BRD4: variants seen among roughly 807,000 people sequenced by gnomAD.
The protein encoded by BRD4 is bromodomain containing 4, also known as bromodomain-containing protein 4.
In BRD4, 16 loss-of-function variants were observed where a neutral mutation model predicts 142.1. That is an observed-to-expected ratio of 0.11 (90% CI 0.08 to 0.17). The LOEUF is 0.17. Among genes scored for constraint, BRD4 ranks in the 10% least tolerant of loss-of-function variants. The pLI, the probability that BRD4 is intolerant of heterozygous loss-of-function variation, is 1.00. For missense variants in BRD4, 1,424 were observed against 1,810.9 expected, an observed-to-expected ratio of 0.79 and a Z score of 3.88; for synonymous variants, 833 against 707.5, an observed-to-expected ratio of 1.18 and a Z score of -2.82.
intron 1 of BRD4, chr19:15,280,428 T>A (rs970443233): frequency 2.0e-6 from 2 of 1,014,378 alleles, no homozygotes; most frequent in Non-Finnish European, 2.4e-6. Context: ...AAGTCAGACT[T>A]CTAGCAGTAG....
chr19:15,284,844 T>C (rs1006634201), intron 1 of BRD4, among the ~76,000 whole-genome samples: 2 of 152,214 alleles, frequency 1.3e-5, no homozygotes, highest in Admixed American at 6.5e-5. Flanking sequence ...TTGGCAGGCA[T>C]AATCACTTTG....
intron 14 of BRD4, among the ~76,000 whole-genome samples, chr19:15,241,800 CCTGA>C (rs1366838187): frequency 3.3e-5 from 5 of 150,704 alleles, no homozygotes; most frequent in South Asian, 2.1e-4. Context: ...CCACTTGGCA[CCTGA>C]CTTTTTTTTT....
At position 15,273,132 on chromosome 19, in the gene BRD4, C is replaced by T. The variant is rs963589430; in HGVS notation, c.-33G>A. ...ATCCCATCACATTCTTCACCAGGCA[C>T]TCTACAAAGGAAGAGAAGAGCCCCC... On this transcript the variant is annotated splice_region_variant and 5_prime_UTR_variant, in exon 2 of 20. It adds an upstream start codon to the 5' untranslated region. Transcript: ENST00000679869. The T allele has an allele frequency of 6.4e-7, 1 of 1,553,506 alleles. No individual in the cohort carries two copies. The highest frequency in any genetic ancestry group is 1.4e-5 in the African/African-American group (1 of 73,368).
intron 1 of BRD4, among the ~76,000 whole-genome samples, chr19:15,307,812 A>AG (rs2047927318): frequency 6.6e-6 from 1 of 152,028 alleles, no homozygotes; most frequent in Non-Finnish European, 1.5e-5. Context: ...TTGCCTAAGA[A>AG]GGGGTGAACC....
chr19:15,267,663 C>A lies in BRD4; in HGVS notation c.424-112G>T. The A allele has an allele frequency of 3.1e-6, 4 of 1,277,608 alleles. No individual in the cohort carries two copies. In the South Asian group the frequency reaches 5.7e-5, roughly 18 times the overall value. The allele number at this position is 1,277,608 out of a possible 1,614,324, so 79.1% of individuals were successfully genotyped here. ...CCCCCAAAACATGAAGCGTCGTATT[C>A]CGGGTCCTTCCCCGATCTGCACCCA... On this transcript the variant is annotated intron_variant, in intron 3 of 19. Transcript: ENST00000679869.
At chr19:15,315,648 A>C (rs1226937749) in intron 1 of BRD4, among the ~76,000 whole-genome samples, 1 of 152,196 alleles carries the variant, frequency 6.6e-6, no homozygotes, top group African/African-American at 2.4e-5. Flanking sequence ...TGAGATCAGA[A>C]GTTAAAGACC....
Position 15,239,996 on chromosome 19 carries a change from G to A in BRD4, c.3196C>T (p.Leu1066Phe). Reference protein sequence around the residue: ...TGHLREAPSPLMIHSPQMSQF... With the variant: ...TGHLREAPSPFMIHSPQMSQF... ...GACATCTGGGGGGAATGTATCATAA[G>A]CGGGGAGGGGGCTTCGCGGAGGTGA... Residue 1066 changes from leucine (L) to phenylalanine (F), a missense_variant, in exon 15 of 20, where the codon CTT (leucine) becomes TTT (phenylalanine). Physicochemically the swap from Leu to Phe is conservative, Grantham distance 22. Transcript: ENST00000679869. The surrounding 1 kb of genome is among the most constrained non-coding windows in gnomAD (Gnocchi z 7.4). The A allele has an allele frequency of 6.2e-7, 1 of 1,613,302 alleles. No homozygotes were observed. The highest frequency in any genetic ancestry group is 8.5e-7 in the Non-Finnish European group (1 of 1,179,826).
chr19:15,247,879 G>A (rs546535375), intron 11 of BRD4: 84 of 229,134 alleles, frequency 3.7e-4, no homozygotes, highest in African/African-American at 1.8e-3. Flanking sequence ...GCAGGGCCCC[G>A]GGAGGCCCTG....
chr19:15,321,285 A>AGAAG (rs763679579), intron 1 of BRD4, among the ~76,000 whole-genome samples: 1 of 151,046 alleles, frequency 6.6e-6, no homozygotes, highest in South Asian at 2.1e-4. Context: ...AAAAAGAGAA[A>AGAAG]GAAGGAAGGA....
chr19:15,249,259 T>C (rs1028815250), intron 11 of BRD4: 2 of 1,614,022 alleles, frequency 1.2e-6, no homozygotes, highest in Non-Finnish European at 8.5e-7. Context: ...GACCGTTTTA[T>C]TAAGAGTCCG....
intron 11 of BRD4, among the ~76,000 whole-genome samples, chr19:15,251,520 C>G (rs905469156): frequency 1.3e-5 from 2 of 151,066 alleles, no homozygotes; most frequent in South Asian, 4.2e-4. Flanking sequence ...GTTCCCCCAC[C>G]CTGACCCACT....
intron 1 of BRD4, among the ~76,000 whole-genome samples, chr19:15,320,923 G>A (rs538850203): frequency 1.3e-5 from 2 of 152,322 alleles, no homozygotes; most frequent in Admixed American, 6.5e-5. Flanking sequence ...AAGTTCGGGG[G>A]TACATTTTAC....
Position 15,279,664 on chromosome 19 carries a change from A to C in BRD4, c.-34-6531T>G, listed in dbSNP as rs544453087. ...GGCAGGCTTAGTTCTGGGACTCTAAAGGCAAGCCAGAGAGGAAAAGAGAAA... is the reference window on the plus strand; with the variant it reads ...GGCAGGCTTAGTTCTGGGACTCTAACGGCAAGCCAGAGAGGAAAAGAGAAA... On this transcript the variant is annotated intron_variant, in intron 1 of 19. Coordinates refer to ENST00000679869, the MANE Select transcript of BRD4 (RefSeq NM_001379291.1). Among the ~76,000 whole-genome samples the C allele has an allele frequency of 1.7e-4, 26 of 152,332 alleles. No homozygotes were observed. The East Asian group carries it at 4.6e-3, about 27-fold the overall frequency.
chr19:15,270,726 T>A (rs938014871), intron 2 of BRD4, among the ~76,000 whole-genome samples: 1 of 152,118 alleles, frequency 6.6e-6, no homozygotes, highest in Non-Finnish European at 1.5e-5. Context: ...CAAGGAATAC[T>A]TTTTAGGGTG....
intron 2 of BRD4, 80 bp downstream of exon 2, chr19:15,272,735 C>T: frequency 7.2e-7 from 1 of 1,395,976 alleles, no homozygotes; most frequent in Non-Finnish European, 9.8e-7. Flanking sequence ...CTACCCTCCC[C>T]CCAGGAACTG....
chr19:15,324,766 G>GCTT (rs764945166), intron 1 of BRD4, among the ~76,000 whole-genome samples: 11 of 152,224 alleles, frequency 7.2e-5, no homozygotes, highest in Non-Finnish European at 1.5e-4. Flanking sequence ...CACTGAGCCA[G>GCTT]CTTCCCCTGC....
At chr19:15,311,434 C>T (rs112587122) in intron 1 of BRD4, among the ~76,000 whole-genome samples, 3 of 152,118 alleles carry the variant, frequency 2.0e-5, no homozygotes, top group Non-Finnish European at 2.9e-5. Context: ...TGCTACAACA[C>T]GGATGGACCT....
chr19:15,263,080 C>T (rs190976774), intron 7 of BRD4, among the ~76,000 whole-genome samples: 69 of 152,238 alleles, frequency 4.5e-4, no homozygotes, highest in Non-Finnish European at 7.9e-4. Flanking sequence ...ACTGTGACAG[C>T]GACTTCTCGG....
At position 15,328,549 on chromosome 19, in the gene BRD4, A is replaced by T. The variant is rs541716105; in HGVS notation, c.-35+3741T>A. On this transcript the variant is annotated intron_variant, in intron 1 of 19. Coordinates refer to ENST00000679869, the MANE Select transcript of BRD4 (RefSeq NM_001379291.1). Reference sequence around the variant, plus strand: ...CCCAGCGTTATCTTAGTTGAAACTCACATTCCTTGTAAGTCACTACCGAAC... The same window carrying T: ...CCCAGCGTTATCTTAGTTGAAACTCTCATTCCTTGTAAGTCACTACCGAAC... 2.8e-4 allele frequency among the ~76,000 whole-genome samples: 43 copies of T among 152,364 alleles called. No homozygotes were observed. In the Middle Eastern group the frequency reaches 0.01, roughly 36 times the overall value.
Sources: allele counts gnomAD v4.1 joint callset (sites outside exome capture counted in the v4.1 genomes callset), GRCh38; gene constraint gnomAD v4.1.1; non-coding constraint Gnocchi (gnomAD v3.1); transcripts MANE v1.5; gene names NCBI Gene and HGNC (gene_info 2026-07-23, HGNC 2026-07-21).